BABAM2: variants seen among roughly 807,000 people sequenced by gnomAD.
The protein encoded by BABAM2 is BRISC and BRCA1-A complex member 2.
BABAM2 carries 31 observed loss-of-function variants against 54.7 expected under a neutral mutation model. The ratio of observed to expected loss-of-function variants is 0.57; its 90% CI spans 0.43 to 0.77. The LOEUF is 0.77. Among genes scored for constraint, BABAM2 ranks in the 30% least tolerant of loss-of-function variants. The probability of loss-of-function intolerance (pLI) is 0.00; values close to 1 mark genes in which losing one functional copy is unlikely to be tolerated. For synonymous variants in BABAM2, 167 were observed against 162.9 expected, an observed-to-expected ratio of 1.03 and a Z score of -0.19; for missense variants, 364 against 455.8, an observed-to-expected ratio of 0.80 and a Z score of 1.83.
intron 6 of BABAM2, among the ~76,000 whole-genome samples, chr2:28,049,904 A>C (rs565102330): frequency 6.6e-6 from 1 of 152,340 alleles, no homozygotes; most frequent in Admixed American, 6.5e-5. Context: ...CCTCAGCCTG[A>C]CATTGGCCAG....
At chr2:28,051,715 C>T (rs1678011250) in intron 6 of BABAM2, among the ~76,000 whole-genome samples, 1 of 151,892 alleles carries the variant, frequency 6.6e-6, no homozygotes, top group Non-Finnish European at 1.5e-5. Flanking sequence ...GTGGCTCCAT[C>T]TCGGCTCACT....
At chr2:27,969,579 T>C (rs1440599205) in intron 3 of BABAM2, among the ~76,000 whole-genome samples, 1 of 152,178 alleles carries the variant, frequency 6.6e-6, no homozygotes, top group African/African-American at 2.4e-5. Flanking sequence ...CTGGCCAAGC[T>C]ACCTTCTAGG....
At chr2:28,132,689 C>A (rs67404473) in intron 7 of BABAM2, among the ~76,000 whole-genome samples, 2,028 of 152,254 alleles carry the variant, frequency 0.013, 43 homozygotes, top group African/African-American at 0.047. Context: ...TCTCTACCAA[C>A]CATTTTCCCT....
At chr2:27,942,443 C>T (rs985443342) in intron 3 of BABAM2, among the ~76,000 whole-genome samples, 41 of 152,006 alleles carry the variant, frequency 2.7e-4, no homozygotes, top group Non-Finnish European at 7.4e-5. Flanking sequence ...TCACAGCAAC[C>T]TCTGCCTCCC....
intron 5 of BABAM2, among the ~76,000 whole-genome samples, chr2:28,029,656 G>A (rs1676155242): frequency 6.6e-6 from 1 of 152,112 alleles, no homozygotes; most frequent in Non-Finnish European, 1.5e-5. Context: ...ATGCTACATT[G>A]AACATAGGTG....
intron 3 of BABAM2, 23 bp from the exon 4 acceptor site, chr2:27,987,970 C>A: frequency 1.3e-6 from 2 of 1,558,638 alleles, no homozygotes; most frequent in Non-Finnish European, 1.8e-6. Flanking sequence ...ATAAAAAGGA[C>A]CTGTCATTTT....
At chr2:28,006,577 A>G (rs946969010) in intron 4 of BABAM2, among the ~76,000 whole-genome samples, 4 of 152,206 alleles carry the variant, frequency 2.6e-5, no homozygotes, top group Admixed American at 6.5e-5. Flanking sequence ...TTTTAAGGAC[A>G]GGTAGCCTAT....
chr2:28,015,873 T>C (rs1243894784), intron 4 of BABAM2: 10 of 638,336 alleles, frequency 1.6e-5, no homozygotes, highest in Non-Finnish European at 2.4e-5. Context: ...TCCTCTTTTT[T>C]GCTCGTACCT....
intron 4 of BABAM2, among the ~76,000 whole-genome samples, chr2:27,990,523 ATGCCTAGATTTCT>A (rs1280374532): frequency 1.3e-5 from 2 of 152,140 alleles, no homozygotes; most frequent in East Asian, 3.9e-4. Context: ...GGAAAACAGA[ATGCCTAGATTTCT>A]TGGATTTTTC....
chr2:28,061,908 T>C (rs1335062696), intron 6 of BABAM2, among the ~76,000 whole-genome samples: 3 of 152,128 alleles, frequency 2.0e-5, no homozygotes, highest in Non-Finnish European at 4.4e-5. Context: ...GAACTGCTGC[T>C]GTAGACTTTA....
intron 3 of BABAM2, among the ~76,000 whole-genome samples, chr2:27,940,450 G>A (rs1010365173): frequency 2.6e-5 from 4 of 152,180 alleles, no homozygotes; most frequent in Non-Finnish European, 5.9e-5. Flanking sequence ...ATAAATGTTT[G>A]TGGAAAGAAT....
intron 10 of BABAM2, among the ~76,000 whole-genome samples, chr2:28,262,131 G>A (rs985019042): frequency 4.6e-5 from 7 of 152,182 alleles, no homozygotes; most frequent in Non-Finnish European, 8.8e-5. Flanking sequence ...AAGGCACAGA[G>A]GGAAGAAATC....
Position 28,066,002 on chromosome 2 carries a change from T to G in BABAM2, c.570+20203T>G, listed in dbSNP as rs545002528. 4.2e-5 allele frequency among the ~76,000 whole-genome samples: 6 copies of G among 142,364 alleles called. No homozygotes were observed. The East Asian group carries it at 1.2e-3, about 29-fold the overall frequency. The allele number at this position is 142,364 out of a possible 152,430, so 93.4% of individuals were successfully genotyped here. On this transcript the variant is annotated intron_variant, in intron 6 of 11. Coordinates refer to ENST00000379624, the MANE Select transcript of BABAM2 (RefSeq NM_199191.3). ...CTAAAAAAAAAAAAAAAAAAAAAAT[T>G]ACAAAAATTAGCTGGGCGTGGTGAC...
chr2:28,000,310 TG>T (rs1673488247), intron 4 of BABAM2, among the ~76,000 whole-genome samples: 1 of 152,174 alleles, frequency 6.6e-6, no homozygotes, highest in Admixed American at 6.5e-5. Flanking sequence ...ATAACTTTGA[TG>T]GTTTTGCAGA....
At chr2:28,196,629 G>T (rs1050391781) in intron 7 of BABAM2, among the ~76,000 whole-genome samples, 5 of 151,988 alleles carry the variant, frequency 3.3e-5, no homozygotes, top group African/African-American at 1.2e-4. Context: ...AATCACTTGA[G>T]GCCAGGAGTT....
At chr2:27,941,236 A>G (rs1481836090) in intron 3 of BABAM2, among the ~76,000 whole-genome samples, 3 of 152,208 alleles carry the variant, frequency 2.0e-5, no homozygotes, top group Non-Finnish European at 4.4e-5. Flanking sequence ...TTTCTAAAGA[A>G]TTTCCAAATG....
intron 6 of BABAM2, among the ~76,000 whole-genome samples, chr2:28,065,573 C>T (rs1663451863): frequency 6.6e-6 from 1 of 152,216 alleles, no homozygotes; most frequent in Non-Finnish European, 1.5e-5. Context: ...TTCTGTTTCT[C>T]TACCTGGGTG....
intron 6 of BABAM2, among the ~76,000 whole-genome samples, chr2:28,065,217 AC>A (rs1353134785): frequency 3.3e-5 from 5 of 152,190 alleles, no homozygotes; most frequent in Non-Finnish European, 7.3e-5. Flanking sequence ...TAAACCTGTT[AC>A]CACTATCACC....
chr2:27,893,908 C>A (rs941650359), intron 1 of BABAM2, among the ~76,000 whole-genome samples: 1 of 149,412 alleles, frequency 6.7e-6, no homozygotes, highest in Non-Finnish European at 1.5e-5. Context: ...GCAGGAGAAT[C>A]ACTTGAACCC....
Sources: allele counts gnomAD v4.1 joint callset (sites outside exome capture counted in the v4.1 genomes callset), GRCh38; gene constraint gnomAD v4.1.1; transcripts MANE v1.5; gene names NCBI Gene and HGNC (gene_info 2026-07-23, HGNC 2026-07-21).